The following N4BP2 variants were observed in gnomAD, a reference collection of about 807,000 sequenced individuals.
N4BP2 encodes NEDD4 binding protein 2, also known as NEDD4-binding protein 2.
A neutral mutation model predicts 152.8 loss-of-function variants in N4BP2; 91 were observed. The ratio of observed to expected loss-of-function variants is 0.60; its 90% confidence interval spans 0.50 to 0.71. The LOEUF is 0.71. Ranked by LOEUF, N4BP2 falls within the 30% of genes least tolerant of loss-of-function variation. The probability of loss-of-function intolerance (pLI) is 0.00; values close to 1 mark genes in which losing one functional copy is unlikely to be tolerated. For synonymous variants in N4BP2, 646 were observed against 705.3 expected, an observed-to-expected ratio of 0.92 and a Z score of 1.33; for missense variants, 1,923 against 2,059.1, an observed-to-expected ratio of 0.93 and a Z score of 1.28.
At chr4:40,176,868 T>G in the N4BP2 span, among the ~76,000 whole-genome samples, 1 of 152,250 alleles carries the variant, frequency 6.6e-6, no homozygotes, top group Non-Finnish European at 1.5e-5. Flanking sequence ...TCAAACTGCG[T>G]GCGGGAAGCG....
At chr4:40,112,955 C>T (rs76681979) in intron 6 of N4BP2, among the ~76,000 whole-genome samples, 9,920 of 152,274 alleles carry the variant, frequency 0.065, 398 homozygotes, top group Non-Finnish European at 0.085. Flanking sequence ...CCACCAACCT[C>T]GGCCTCTCAA....
At chr4:40,064,314 G>T (rs528773899) in intron 1 of N4BP2, among the ~76,000 whole-genome samples, 2 of 152,200 alleles carry the variant, frequency 1.3e-5, no homozygotes, top group South Asian at 4.1e-4. Context: ...TCGCTCTGTT[G>T]TCCAGGCTGG....
At chr4:40,175,918 G>C in the N4BP2 span, among the ~76,000 whole-genome samples, 1 of 150,224 alleles carries the variant, frequency 6.7e-6, no homozygotes, top group East Asian at 1.9e-4. Flanking sequence ...GTGAAACCCC[G>C]TCTCTACTAA....
At chr4:40,098,781 A>G (rs563198831) in intron 3 of N4BP2, among the ~76,000 whole-genome samples, 1 of 152,364 alleles carries the variant, frequency 6.6e-6, no homozygotes, top group African/African-American at 2.4e-5. Context: ...AGGAATTACA[A>G]GAAATCCACA....
chr4:40,077,527 C>A (rs923625661), intron 2 of N4BP2, among the ~76,000 whole-genome samples: 6 of 149,966 alleles, frequency 4.0e-5, no homozygotes, highest in Non-Finnish European at 5.9e-5. Flanking sequence ...GATCTTGGCT[C>A]ACTGCAACCT....
At chr4:40,147,633 G>A (rs1446679814) in intron 16 of N4BP2, among the ~76,000 whole-genome samples, 1 of 148,944 alleles carries the variant, frequency 6.7e-6, no homozygotes, top group Admixed American at 6.6e-5. Flanking sequence ...CCGGGCGGGG[G>A]CTGACCCCCC....
chr4:40,070,631 T>G (rs1712060758), intron 1 of N4BP2, among the ~76,000 whole-genome samples: 1 of 151,690 alleles, frequency 6.6e-6, no homozygotes, highest in Non-Finnish European at 1.5e-5. Flanking sequence ...TTGTATTTTT[T>G]GTAGAGATGT....
At chr4:40,160,002 T>C (rs922065769), downstream of N4BP2, among the ~76,000 whole-genome samples, 2 of 151,982 alleles carry the variant, frequency 1.3e-5, no homozygotes, top group Admixed American at 6.6e-5. Context: ...GTATTTTTAG[T>C]AGAGATGGGG....
the N4BP2 span, among the ~76,000 whole-genome samples, chr4:40,168,968 C>T: frequency 2.4e-4 from 36 of 151,954 alleles, no homozygotes; most frequent in Admixed American, 5.9e-4. Context: ...TCAGGTGATC[C>T]GCCCACCTCT....
Position 40,102,352 on chromosome 4 carries a change from T to A in N4BP2, c.507T>A (p.Asp169Glu). Residue 169 changes from aspartate (D) to glutamate (E), a missense_variant, in exon 4 of 18, where the codon GAT (aspartate) becomes GAA (glutamate). Coordinates refer to ENST00000261435, the MANE Select transcript of N4BP2 (RefSeq NM_018177.6). ...TATACTCATTTTTGCCTTCACAAGA[T>A]GTTAATAGTTTTAATGACTCAAGTG... ...DQVYSFLPSQDVNSFNDSSEF... is the reference protein window; with the variant it reads ...DQVYSFLPSQEVNSFNDSSEF... The A allele has an allele frequency of 6.2e-7, 1 of 1,613,354 alleles. No homozygotes were observed. The highest frequency in any genetic ancestry group is 8.5e-7 in the Non-Finnish European group (1 of 1,179,796).
Position 40,102,819 on chromosome 4 carries a change from A to G in N4BP2, c.974A>G (p.Asn325Ser). Residue 325 changes from asparagine (N) to serine (S), a missense_variant, in exon 4 of 18, where the codon AAC (asparagine) becomes AGC (serine). Asn to Ser is a conservative substitution (Grantham distance 46). Coordinates refer to ENST00000261435, the MANE Select transcript of N4BP2 (RefSeq NM_018177.6). Reference protein sequence around the residue: ...SDVFLPSEGFNFKPHKHPELP... With the variant: ...SDVFLPSEGFSFKPHKHPELP... Reference sequence around the variant, plus strand: ...GTGTTTCTACCTTCCGAAGGGTTCAACTTCAAGCCACACAAACATCCTGAA... The same window carrying G: ...GTGTTTCTACCTTCCGAAGGGTTCAGCTTCAAGCCACACAAACATCCTGAA... The G allele has an allele frequency of 6.2e-7, 1 of 1,614,152 alleles. No individual in the cohort carries two copies. The highest frequency in any genetic ancestry group is 1.1e-5 in the South Asian group (1 of 91,078).
At position 40,059,345 on chromosome 4, in the gene N4BP2, T is replaced by C. The variant is rs1560562499; in HGVS notation, c.-212+2315T>C. 2.0e-5 allele frequency among the ~76,000 whole-genome samples: 3 copies of C among 152,042 alleles called. No individual in the cohort carries two copies. In the East Asian group the frequency reaches 5.8e-4, roughly 29 times the overall value. The stretch of plus-strand genomic sequence containing the variant: ...GTTGTCTATTAAATGCCTTTAGAAG[T>C]AGTTTATGTTAGGAATTTAAGAAGA... On this transcript the variant is annotated intron_variant, in intron 1 of 17. Transcript: ENST00000261435.
chr4:40,148,199 G>A (rs950165496), intron 16 of N4BP2, among the ~76,000 whole-genome samples: 8 of 152,224 alleles, frequency 5.3e-5, no homozygotes, highest in African/African-American at 7.2e-5. Context: ...CTGCAATCCC[G>A]GCACCTCGGG....
the N4BP2 span, among the ~76,000 whole-genome samples, chr4:40,174,480 C>T: frequency 6.6e-5 from 10 of 151,952 alleles, no homozygotes; most frequent in Non-Finnish European, 8.8e-5. Flanking sequence ...GATGTGGAAA[C>T]AACCTAAGTG....
In N4BP2 at chr4:40,123,002, A is replaced by G. The variant is rs999002184; in HGVS notation, c.4199-125A>G. On this transcript the variant is annotated intron_variant, in intron 9 of 17. Coordinates refer to ENST00000261435, the MANE Select transcript of N4BP2 (RefSeq NM_018177.6). ...AGAAATACTCTAAGATTTAGTAAAT[A>G]GAAGCATAAGTTAGGAATTAATAGT... 5.2e-6 allele frequency: 3 copies of G among 573,426 alleles called. No individual in the cohort carries two copies. The Admixed American group carries it at 9.4e-5, about 18-fold the overall frequency. The allele number at this position is 573,426 out of a possible 1,614,324, so 35.5% of individuals were successfully genotyped here. A position where few individuals can be genotyped will look rare whatever the true frequency, so the allele number is the denominator to read the frequency against.
At chr4:40,148,538 A>G (rs1720840859) in intron 16 of N4BP2, among the ~76,000 whole-genome samples, 1 of 152,186 alleles carries the variant, frequency 6.6e-6, no homozygotes, top group South Asian at 2.1e-4. Context: ...AAGTGAGATC[A>G]TACAGGATTT....
At chr4:40,076,088 A>G (rs1181933367) in intron 2 of N4BP2, among the ~76,000 whole-genome samples, 1 of 152,240 alleles carries the variant, frequency 6.6e-6, no homozygotes, top group African/African-American at 2.4e-5. Context: ...GGCTTCCCAA[A>G]GTGCTGGAAT....
chr4:40,178,775 C>G, the N4BP2 span, among the ~76,000 whole-genome samples: 2 of 152,228 alleles, frequency 1.3e-5, no homozygotes, highest in Non-Finnish European at 2.9e-5. Flanking sequence ...TATGAGCACA[C>G]ATTTGCCTTC....
chr4:40,169,630 A>G, the N4BP2 span, among the ~76,000 whole-genome samples: 1 of 151,790 alleles, frequency 6.6e-6, no homozygotes, highest in South Asian at 2.1e-4. Context: ...TGTAAAGTAC[A>G]TAAAGATTGG....
Sources: gnomAD v4.1 joint callset for allele counts (sites outside exome capture counted in the v4.1 genomes callset) on GRCh38, gnomAD v4.1.1 for gene constraint, MANE v1.5 for transcripts, NCBI Gene and HGNC (gene_info 2026-07-23, HGNC 2026-07-21) for gene names.